Variants in CCNY observed in about 807,000 individuals in gnomAD.
CCNY encodes cyclin-Y.
CCNY carries 19 observed loss-of-function variants against 42.8 expected under a neutral mutation model. That is an observed-to-expected ratio of 0.44 (90% CI 0.31 to 0.65). CCNY has a LOEUF of 0.65. Among genes scored for constraint, CCNY ranks in the 30% least tolerant of loss-of-function variants. CCNY has a pLI of 0.07. For synonymous variants in CCNY, 165 were observed against 162.7 expected, an observed-to-expected ratio of 1.01 and a Z score of -0.11; for missense variants, 370 against 437.3, an observed-to-expected ratio of 0.85 and a Z score of 1.37.
chr10:35,525,670 CACAAGTGAGGAAA>C (rs1249763000), intron 4 of CCNY, among the ~76,000 whole-genome samples: 1 of 151,136 alleles, frequency 6.6e-6, no homozygotes. Flanking sequence ...TTTTTTTTCC[CACAAGTGAGGAAA>C]GCTGAAAATT....
intron 4 of CCNY, among the ~76,000 whole-genome samples, chr10:35,524,548 C>T (rs10827511): frequency 0.28 from 42,630 of 152,072 alleles, 6,358 homozygotes; most frequent in Admixed American, 0.34. Context: ...ATGTTCGGGC[C>T]GAGTCGGTAC....
intron 7 of CCNY, among the ~76,000 whole-genome samples, chr10:35,548,411 G>C (rs1841165361): frequency 6.6e-6 from 1 of 151,410 alleles, no homozygotes; most frequent in Admixed American, 6.6e-5. Context: ...CAGTTCTCCT[G>C]CCTCAGCCTC....
At chr10:35,558,390 C>G (rs1841401921) in intron 8 of CCNY, among the ~76,000 whole-genome samples, 1 of 152,208 alleles carries the variant, frequency 6.6e-6, no homozygotes, top group African/African-American at 2.4e-5. Flanking sequence ...CTAGAAATCT[C>G]TTTCCTAATG....
At chr10:35,568,350 A>G (rs1461007707) in intron 9 of CCNY, among the ~76,000 whole-genome samples, 5 of 152,192 alleles carry the variant, frequency 3.3e-5, no homozygotes, top group African/African-American at 9.7e-5. Flanking sequence ...CTCTTCTCCA[A>G]ATAATCAAAG....
At position 35,516,565 on chromosome 10, in the gene CCNY, A is replaced by G. The variant is rs751847201; in HGVS notation, c.307A>G (p.Thr103Ala). ...QIARKYSSCS[T>A]IFLDDSTVSQ... ...AGCAAGGAAATACAGTTCCTGCTCCACCATTTTCCTAGATGATAGCACAGT... is the reference window on the plus strand; with the variant it reads ...AGCAAGGAAATACAGTTCCTGCTCCGCCATTTTCCTAGATGATAGCACAGT... Residue 103 changes from threonine to alanine, a missense_variant, in exon 4 of 10, where the codon ACC becomes GCC. This residue lies in a region of CCNY where 234 missense variants were observed against 313.1 expected (regional missense o/e 0.75). Coordinates refer to ENST00000374704, the MANE Select transcript of CCNY (RefSeq NM_145012.6). 1.2e-6 allele frequency: 2 copies of G among 1,612,074 alleles called. No homozygotes were observed. The highest frequency in any genetic ancestry group is 2.2e-5 in the East Asian group (1 of 44,742).
intron 1 of CCNY, among the ~76,000 whole-genome samples, chr10:35,399,267 G>T (rs1335205074): frequency 6.6e-6 from 1 of 151,390 alleles, no homozygotes. Flanking sequence ...CTGCTGGGCC[G>T]TGGAGGCTGT....
intron 3 of CCNY, among the ~76,000 whole-genome samples, chr10:35,275,899 G>A (rs1835233952): frequency 6.6e-6 from 1 of 152,236 alleles, no homozygotes; most frequent in South Asian, 2.1e-4. Flanking sequence ...TAGCAGGGAA[G>A]GCATGGTGAT....
chr10:35,559,500 T>C (rs1172363256), intron 8 of CCNY, among the ~76,000 whole-genome samples: 1 of 152,218 alleles, frequency 6.6e-6, no homozygotes, highest in Non-Finnish European at 1.5e-5. Flanking sequence ...CTAATCTCAG[T>C]CTATCCATAT....
At chr10:35,494,110 A>C (rs573581785) in intron 2 of CCNY, among the ~76,000 whole-genome samples, 1 of 151,800 alleles carries the variant, frequency 6.6e-6, no homozygotes. Context: ...GGACCCCCAC[A>C]TCTTAGAGTT....
intron 1 of CCNY, among the ~76,000 whole-genome samples, chr10:35,475,262 C>G (rs1839481571): frequency 6.6e-6 from 1 of 152,218 alleles, no homozygotes; most frequent in South Asian, 2.1e-4. Flanking sequence ...GGCAGGCCAA[C>G]ATTCAGATTC....
intron 8 of CCNY, among the ~76,000 whole-genome samples, chr10:35,564,328 G>T (rs1050495590): frequency 6.6e-6 from 1 of 152,096 alleles, no homozygotes; most frequent in Non-Finnish European, 1.5e-5. Flanking sequence ...CTTCCTTGCC[G>T]CCTGCCCACA....
At chr10:35,376,156 T>G (rs1837047340) in intron 1 of CCNY, among the ~76,000 whole-genome samples, 1 of 152,190 alleles carries the variant, frequency 6.6e-6, no homozygotes, top group African/African-American at 2.4e-5. Context: ...GTTATTAAAC[T>G]TTTTGGTCAC....
At chr10:35,525,154 C>A (rs1178199533) in intron 4 of CCNY, among the ~76,000 whole-genome samples, 1 of 151,988 alleles carries the variant, frequency 6.6e-6, no homozygotes, top group African/African-American at 2.4e-5. Context: ...CATTTAAAAT[C>A]ATGTTTTTAA....
At chr10:35,405,158 A>G (rs1589096732) in intron 1 of CCNY, among the ~76,000 whole-genome samples, 1 of 152,174 alleles carries the variant, frequency 6.6e-6, no homozygotes, top group Admixed American at 6.5e-5. Flanking sequence ...CAGGTAAAAC[A>G]GGGGAATTGT....
intron 1 of CCNY, among the ~76,000 whole-genome samples, chr10:35,396,993 T>C (rs1837540301): frequency 6.6e-6 from 1 of 152,302 alleles, no homozygotes; most frequent in South Asian, 2.1e-4. Context: ...GTTACAGTTC[T>C]GGGGGCTGGC....
intron 3 of CCNY, among the ~76,000 whole-genome samples, chr10:35,302,603 G>A (rs1383335986): frequency 6.6e-6 from 1 of 152,044 alleles, no homozygotes; most frequent in East Asian, 1.9e-4. Flanking sequence ...GAGCCACTGC[G>A]CCCGCCCCGA....
At chr10:35,433,688 T>G (rs1002919706) in intron 1 of CCNY, among the ~76,000 whole-genome samples, 1 of 152,212 alleles carries the variant, frequency 6.6e-6, no homozygotes, top group Non-Finnish European at 1.5e-5. Context: ...CTCGGCTTAC[T>G]GCATTCTCCG....
chr10:35,448,310 T>C (rs1408452971), intron 1 of CCNY, among the ~76,000 whole-genome samples: 1 of 151,900 alleles, frequency 6.6e-6, no homozygotes, highest in Non-Finnish European at 1.5e-5. Flanking sequence ...AAGTTAAGGG[T>C]GGGGACATGG....
At chr10:35,473,328 T>G (rs1292251812) in intron 1 of CCNY, among the ~76,000 whole-genome samples, 1 of 152,252 alleles carries the variant, frequency 6.6e-6, no homozygotes, top group Non-Finnish European at 1.5e-5. Flanking sequence ...CTGGTGGGGC[T>G]TCACTCTTTC....
Sources: allele counts gnomAD v4.1 joint callset (sites outside exome capture counted in the v4.1 genomes callset), GRCh38; gene constraint gnomAD v4.1.1; regional missense constraint gnomAD v4.1.1; transcripts MANE v1.5; gene names NCBI Gene and HGNC (gene_info 2026-07-23, HGNC 2026-07-21).